AFF3: variants seen among roughly 807,000 people sequenced by gnomAD.
The protein encoded by AFF3 is AF4/FMR2 family member 3.
A neutral mutation model predicts 129.7 loss-of-function variants in AFF3; 32 were observed. That is an observed-to-expected ratio of 0.25 (90% confidence interval 0.19 to 0.33). The LOEUF (loss-of-function observed/expected upper bound fraction) is 0.33. AFF3 is among the 10% of genes least tolerant of loss of function. The probability of loss-of-function intolerance (pLI) is 1.00; values close to 1 mark genes in which losing one functional copy is unlikely to be tolerated. For synonymous variants in AFF3, 644 were observed against 635.4 expected (o/e 1.01, Z -0.20); for missense variants, 1,373 against 1,592.0 (o/e 0.86, Z 2.34).
At chr2:100,024,231 C>CAAAA (rs56368025) in intron 4 of AFF3, among the ~76,000 whole-genome samples, 4 of 56,040 alleles carry the variant, frequency 7.1e-5, no homozygotes, top group African/African-American at 1.5e-4. Flanking sequence ...GACTCCGTCT[C>CAAAA]AAAAAAAAAA....
chr2:99,957,171 G>A (rs1175906784), intron 7 of AFF3, among the ~76,000 whole-genome samples: 2 of 142,342 alleles, frequency 1.4e-5, no homozygotes, highest in African/African-American at 2.7e-5. Context: ...GTGCATGTAC[G>A]TGTGTGTGTG....
chr2:99,631,204 G>C lies in AFF3; in HGVS notation c.1184+18422C>G, dbSNP rs147948422. Among the ~76,000 whole-genome samples the C allele has an allele frequency of 1.2e-4, 19 of 152,266 alleles. 1 individual carries two copies. The East Asian group carries it at 3.7e-3, about 29-fold the overall frequency. On this transcript the variant is annotated intron_variant, in intron 13 of 24. Coordinates refer to ENST00000672756, the MANE Select transcript of AFF3 (RefSeq NM_001386135.1). ...CTTTCCCAAAGAACCCCAGCCCCAG[G>C]TCAATGAAATGGTTAAGCTGGACTT...
In AFF3 at chr2:99,633,037, G is replaced by A. The variant is rs566102779; in HGVS notation, c.1184+16589C>T. On this transcript the variant is annotated intron_variant, in intron 13 of 24. Coordinates refer to ENST00000672756, the MANE Select transcript of AFF3 (RefSeq NM_001386135.1). ...CGCTTTTTGTTTTTTTAGTGCGACTGTACTACCTAGAGACACGGGCTATTT... is the reference window on the plus strand; with the variant it reads ...CGCTTTTTGTTTTTTTAGTGCGACTATACTACCTAGAGACACGGGCTATTT... Among the ~76,000 whole-genome samples, 11 of 152,194 alleles carry A rather than the reference G, an allele frequency of 7.2e-5. No homozygotes were observed. The East Asian group carries it at 2.1e-3, about 29-fold the overall frequency.
chr2:99,887,696 T>C (rs567768373), intron 7 of AFF3, among the ~76,000 whole-genome samples: 1 of 152,240 alleles, frequency 6.6e-6, no homozygotes, highest in Non-Finnish European at 1.5e-5. Flanking sequence ...ATTATTGCTA[T>C]ACTTATCATT....
chr2:99,660,402 A>G (rs114004338), intron 12 of AFF3, among the ~76,000 whole-genome samples: 433 of 152,326 alleles, frequency 2.8e-3, no homozygotes, highest in African/African-American at 9.8e-3. Flanking sequence ...TGAAGGTAAA[A>G]ACAGGTTTGT....
chr2:99,683,210 C>T (rs577285375), intron 11 of AFF3, among the ~76,000 whole-genome samples: 25 of 152,314 alleles, frequency 1.6e-4, no homozygotes, highest in African/African-American at 5.8e-4. Flanking sequence ...GTACCTCATG[C>T]TAGTTGTGTC....
chr2:99,985,250 G>A lies in AFF3; in HGVS notation c.873+21382C>T, dbSNP rs185690978. On this transcript the variant is annotated intron_variant, in intron 7 of 24. Transcript: ENST00000672756. ...CAAACCTAAGTACAACTATATTTCT[G>A]TCATCATCTTGCAACTAAATTTATT... Among the ~76,000 whole-genome samples the A allele has an allele frequency of 1.6e-3, 244 of 152,252 alleles. 1 individual carries two copies. The highest frequency in any genetic ancestry group is 5.6e-3 in the African/African-American group (233 of 41,536).
At chr2:99,695,031 T>C (rs1676057969) in intron 11 of AFF3, among the ~76,000 whole-genome samples, 1 of 152,068 alleles carries the variant, frequency 6.6e-6, no homozygotes, top group African/African-American at 2.4e-5. Context: ...TAATTATTAA[T>C]TTAAATAATA....
At chr2:99,628,412 T>C (rs1020835834) in intron 13 of AFF3, among the ~76,000 whole-genome samples, 1 of 152,178 alleles carries the variant, frequency 6.6e-6, no homozygotes, top group Non-Finnish European at 1.5e-5. Flanking sequence ...TGATTTTATA[T>C]CCTGAGACTT....
At chr2:99,710,046 A>T (rs2104859000) in intron 11 of AFF3, among the ~76,000 whole-genome samples, 1 of 152,264 alleles carries the variant, frequency 6.6e-6, no homozygotes, top group East Asian at 1.9e-4. Flanking sequence ...TACCTGGGTG[A>T]GCTCTCTCTG....
chr2:99,958,892 C>T (rs1267333176), intron 7 of AFF3, among the ~76,000 whole-genome samples: 1 of 152,026 alleles, frequency 6.6e-6, no homozygotes, highest in Middle Eastern at 3.4e-3. Context: ...GCAGGAGGAT[C>T]ATTTGGGCCC....
chr2:100,060,481 T>G (rs1687179610), intron 4 of AFF3, among the ~76,000 whole-genome samples: 1 of 152,148 alleles, frequency 6.6e-6, no homozygotes. Context: ...CCACAATTTC[T>G]CATCCCTTCT....
chr2:99,822,310 G>C (rs984477424), intron 8 of AFF3, among the ~76,000 whole-genome samples: 10 of 24,072 alleles, frequency 4.2e-4, no homozygotes, highest in African/African-American at 3.6e-3. Context: ...GTGATGCTAA[G>C]ACACTGGGGG....
At chr2:100,096,425 T>TA (rs990124661) in intron 4 of AFF3, among the ~76,000 whole-genome samples, 2 of 151,836 alleles carry the variant, frequency 1.3e-5, no homozygotes, top group Non-Finnish European at 2.9e-5. Flanking sequence ...CTCACAAAAA[T>TA]AAAATAAATA....
chr2:100,106,012 C>G lies in AFF3; in HGVS notation c.-144-429G>C, dbSNP rs1024224228. 3.8e-6 allele frequency: 5 copies of G among 1,321,716 alleles called. No individual in the cohort carries two copies. The East Asian group carries it at 1.8e-4, about 49-fold the overall frequency. The allele number at this position is 1,321,716 out of a possible 1,614,324, so 81.9% of individuals were successfully genotyped here. ...TGACGGGATCCCTCCAGCGTCAAGC[C>G]GAAGAGTCATCCTCTCACCTCACCC... is the stretch of plus-strand genomic sequence containing the variant. On this transcript the variant is annotated intron_variant, in intron 2 of 24. Transcript: ENST00000672756.
chr2:99,862,563 C>T (rs554885405), intron 7 of AFF3, among the ~76,000 whole-genome samples: 2 of 152,380 alleles, frequency 1.3e-5, no homozygotes, highest in East Asian at 1.9e-4. Context: ...TGGCCCAGTG[C>T]CCCACGGTGT....
At chr2:99,625,012 C>T (rs1002112527) in intron 13 of AFF3, among the ~76,000 whole-genome samples, 25 of 152,142 alleles carry the variant, frequency 1.6e-4, no homozygotes, top group Non-Finnish European at 1.3e-4. Context: ...TCTGGAGGAA[C>T]GGTTGTGCAC....
At chr2:99,922,719 T>G (rs1176414992) in intron 7 of AFF3, among the ~76,000 whole-genome samples, 1 of 152,100 alleles carries the variant, frequency 6.6e-6, no homozygotes, top group Non-Finnish European at 1.5e-5. Context: ...AAGAAAGTAA[T>G]ACCGTTTTCA....
rs145019983 is a variant in AFF3, at chr2:99,753,259, C to A, written c.922-958G>T. On this transcript the variant is annotated intron_variant, in intron 8 of 24. Transcript: ENST00000672756. Reference sequence around the variant, plus strand: ...GGATTACAGGTGCGTGCCACCATGCCTGGCTAATTTTTGTATTTTCAGTAG... The same window carrying A: ...GGATTACAGGTGCGTGCCACCATGCATGGCTAATTTTTGTATTTTCAGTAG... Among the ~76,000 whole-genome samples the A allele has an allele frequency of 8.1e-5, 12 of 148,890 alleles. No homozygotes were observed. The East Asian group carries it at 2.2e-3, about 28-fold the overall frequency.
Sources: allele counts gnomAD v4.1 joint callset (sites outside exome capture counted in the v4.1 genomes callset), GRCh38; gene constraint gnomAD v4.1.1; transcripts MANE v1.5; gene names NCBI Gene and HGNC (gene_info 2026-07-23, HGNC 2026-07-21).